Variants in ZFPM2 observed in about 807,000 individuals in gnomAD.
The protein encoded by ZFPM2 is zinc finger protein ZFPM2.
A neutral mutation model predicts 98.6 loss-of-function variants in ZFPM2; 20 were observed. The ratio of observed to expected loss-of-function variants is 0.20; its 90% CI spans 0.14 to 0.29. The LOEUF (loss-of-function observed/expected upper bound fraction) is 0.29, where lower values mean the gene tolerates loss of function less well. Ranked by LOEUF, ZFPM2 falls within the 10% of genes least tolerant of loss-of-function variation. The probability of loss-of-function intolerance (pLI) is 1.00; values close to 1 mark genes in which losing one functional copy is unlikely to be tolerated. For synonymous variants in ZFPM2, 518 were observed against 502.7 expected, an observed-to-expected ratio of 1.03 and a Z score of -0.41; for missense variants, 1,310 against 1,388.6, an observed-to-expected ratio of 0.94 and a Z score of 0.90.
intron 5 of ZFPM2, among the ~76,000 whole-genome samples, chr8:105,651,945 T>TAGATGA (rs1817187128): frequency 6.6e-6 from 1 of 152,184 alleles, no homozygotes; most frequent in African/African-American, 2.4e-5. Flanking sequence ...CCAGAGAATC[T>TAGATGA]AGATGAAGAG....
intron 5 of ZFPM2, among the ~76,000 whole-genome samples, chr8:105,765,034 A>G (rs1359413127): frequency 6.6e-6 from 1 of 151,844 alleles, no homozygotes; most frequent in Non-Finnish European, 1.5e-5. Flanking sequence ...CTTAGATTTC[A>G]GGACCACGTG....
At chr8:105,758,580 T>C (rs577406365) in intron 5 of ZFPM2, among the ~76,000 whole-genome samples, 90 of 152,288 alleles carry the variant, frequency 5.9e-4, no homozygotes, top group Non-Finnish European at 9.0e-4. Context: ...TTTTGGACTT[T>C]TTATTTCAGT....
At chr8:105,433,263 T>C (rs900514622) in intron 2 of ZFPM2, among the ~76,000 whole-genome samples, 1 of 152,206 alleles carries the variant, frequency 6.6e-6, no homozygotes, top group African/African-American at 2.4e-5. Flanking sequence ...CATCAAATCT[T>C]CAGTGAACTT....
At chr8:105,499,300 A>T (rs1813539759) in intron 3 of ZFPM2, among the ~76,000 whole-genome samples, 1 of 152,020 alleles carries the variant, frequency 6.6e-6, no homozygotes, top group Non-Finnish European at 1.5e-5. Context: ...GGAATGACTG[A>T]TAGTCACATT....
intron 5 of ZFPM2, among the ~76,000 whole-genome samples, chr8:105,660,354 C>T (rs1300899687): frequency 6.6e-6 from 1 of 152,130 alleles, no homozygotes; most frequent in East Asian, 1.9e-4. Flanking sequence ...TTAGAGCTTA[C>T]AGTCTTGTCA....
In ZFPM2 at chr8:105,701,397, G is replaced by A. The variant is rs75427458; in HGVS notation, c.532+67040G>A. On this transcript the variant is annotated intron_variant, in intron 5 of 7. Coordinates refer to ENST00000407775, the MANE Select transcript of ZFPM2 (RefSeq NM_012082.4). ...ATTCTGTCTCTATCTGCTATTAGTG[G>A]TGAATTAGAGTTATTCTAAAAGCAT... Among the ~76,000 whole-genome samples, 242 of 152,200 alleles carry A rather than the reference G, an allele frequency of 1.6e-3. 4 individuals are homozygous for A. In the East Asian group the frequency reaches 0.04, roughly 25 times the overall value.
intron 2 of ZFPM2, among the ~76,000 whole-genome samples, chr8:105,428,723 GAAGA>G (rs1255931696): frequency 6.6e-6 from 1 of 152,130 alleles, no homozygotes. Flanking sequence ...AATAAAAAAC[GAAGA>G]AAGGAAGGAA....
intron 1 of ZFPM2, among the ~76,000 whole-genome samples, chr8:105,407,513 A>G (rs1213668435): frequency 1.3e-5 from 2 of 151,940 alleles, no homozygotes; most frequent in Non-Finnish European, 2.9e-5. Flanking sequence ...GAAACCATGG[A>G]TTTAAGAGCA....
At chr8:105,784,836 T>C (rs1201220379) in intron 5 of ZFPM2, 1 of 145,686 alleles carries the variant, frequency 6.9e-6, no homozygotes, top group Non-Finnish European at 1.5e-5. Flanking sequence ...GCATCAGTAA[T>C]TGAAGTTACG....
chr8:105,431,792 T>C lies in ZFPM2; in HGVS notation c.200-12488T>C, dbSNP rs77013765. 1.7e-3 allele frequency among the ~76,000 whole-genome samples: 264 copies of C among 152,014 alleles called. 2 individuals carry two copies. Among genetic ancestry groups the C allele is most frequent in the African/African-American group, 6.1e-3 (255 of 41,472 alleles). ...AAACCTAGCAGGGCATGGTGGTGCA[T>C]ACCTGTGGCCCCAGCTACTTGGGAG... On this transcript the variant is annotated intron_variant, in intron 2 of 7. Coordinates refer to ENST00000407775, the MANE Select transcript of ZFPM2 (RefSeq NM_012082.4).
At chr8:105,552,763 A>G (rs1814891114) in intron 3 of ZFPM2, among the ~76,000 whole-genome samples, 1 of 149,806 alleles carries the variant, frequency 6.7e-6, no homozygotes. Context: ...GTATGCAGTG[A>G]TGTAAGTGAA....
chr8:105,747,632 A>T (rs542711397), intron 5 of ZFPM2, among the ~76,000 whole-genome samples: 36 of 152,084 alleles, frequency 2.4e-4, no homozygotes, highest in Non-Finnish European at 4.7e-4. Context: ...TAGCTTATCA[A>T]CATGCCGATA....
intron 1 of ZFPM2, among the ~76,000 whole-genome samples, chr8:105,342,621 G>A (rs1812450636): frequency 6.6e-6 from 1 of 151,362 alleles, no homozygotes; most frequent in African/African-American, 2.4e-5. Flanking sequence ...TCATAGAGGG[G>A]AATGCAAGTT....
At chr8:105,673,691 A>G (rs993355292) in intron 5 of ZFPM2, among the ~76,000 whole-genome samples, 14 of 152,202 alleles carry the variant, frequency 9.2e-5, no homozygotes, top group African/African-American at 2.9e-4. Flanking sequence ...TACTACATTT[A>G]TACTGCATTA....
chr8:105,471,442 A>G (rs142201271), intron 3 of ZFPM2, among the ~76,000 whole-genome samples: 38 of 152,272 alleles, frequency 2.5e-4, no homozygotes, highest in African/African-American at 3.1e-4. Flanking sequence ...ATCTTTTTTC[A>G]TTCTGAAGTG....
Position 105,476,355 on chromosome 8 carries a change from G to A in ZFPM2, c.301+31974G>A, listed in dbSNP as rs1212018993. Among the ~76,000 whole-genome samples, 3 of 152,204 alleles carry A rather than the reference G, an allele frequency of 2.0e-5. No homozygotes were observed. In the South Asian group the frequency reaches 6.2e-4, roughly 32 times the overall value. On this transcript the variant is annotated intron_variant, in intron 3 of 7. Coordinates refer to ENST00000407775, the MANE Select transcript of ZFPM2 (RefSeq NM_012082.4). ...GCGACAGCATTAGATTCTCATGGGA[G>A]CCTGAATCCTATTGTGAACTAAGGA...
At chr8:105,534,225 T>C (rs1586443198) in intron 3 of ZFPM2, among the ~76,000 whole-genome samples, 1 of 47,184 alleles carries the variant, frequency 2.1e-5, no homozygotes, top group African/African-American at 1.4e-4. Context: ...CTTTTCTTCC[T>C]CCCTTCCTCC....
chr8:105,390,498 A>G (rs1325685327), intron 1 of ZFPM2, among the ~76,000 whole-genome samples: 2 of 152,164 alleles, frequency 1.3e-5, no homozygotes, highest in Admixed American at 6.5e-5. Flanking sequence ...CTCACCCAAG[A>G]CTCAGTGTAT....
chr8:105,693,980 C>CTTTTTTTTTTTTCTTTTT (rs1810953294), intron 5 of ZFPM2, among the ~76,000 whole-genome samples: 1 of 118,410 alleles, frequency 8.4e-6, no homozygotes, highest in Non-Finnish European at 1.7e-5. Context: ...TTTTTCTTTT[C>CTTTTTTTTTTTTCTTTTT]TTTTTTTTTT....
Sources: gnomAD v4.1 joint callset for allele counts (sites outside exome capture counted in the v4.1 genomes callset) on GRCh38, gnomAD v4.1.1 for gene constraint, MANE v1.5 for transcripts, NCBI Gene and HGNC (gene_info 2026-07-23, HGNC 2026-07-21) for gene names.